Variants in USP47 observed in about 807,000 individuals in gnomAD.
USP47 encodes ubiquitin carboxyl-terminal hydrolase 47.
USP47 carries 35 observed loss-of-function variants against 165.1 expected under a neutral mutation model. That is an observed-to-expected ratio of 0.21 (90% CI 0.16 to 0.28). The LOEUF is 0.28. Ranked by LOEUF, USP47 falls within the 10% of genes least tolerant of loss-of-function variation. USP47 has a pLI of 1.00. For missense variants in USP47, 1,277 were observed against 1,607.4 expected, an observed-to-expected ratio of 0.79 and a Z score of 3.52; for synonymous variants, 531 against 544.5, an observed-to-expected ratio of 0.98 and a Z score of 0.35.
At chr11:11,861,030 T>C (rs1468306786) in intron 1 of USP47, among the ~76,000 whole-genome samples, 1 of 152,278 alleles carries the variant, frequency 6.6e-6, no homozygotes, top group East Asian at 1.9e-4. Context: ...CAATTTCTTT[T>C]TCTTCATCGA....
At position 11,881,703 on chromosome 11, in the gene USP47, G is replaced by A. The variant is rs1850843186; in HGVS notation, c.243+1323G>A. 2.0e-5 allele frequency among the ~76,000 whole-genome samples: 3 copies of A among 151,890 alleles called. No homozygotes were observed. The South Asian group carries it at 6.2e-4, about 31-fold the overall frequency. ...TTAGGTCATCATTTGACCTAATCTT[G>A]TATTAATGTTTACTACCAAAATAAA... On this transcript the variant is annotated intron_variant, in intron 2 of 27. Coordinates refer to ENST00000527733, the MANE Select transcript of USP47 (RefSeq NM_001282659.2).
At chr11:11,847,078 C>T (rs1359835405) in intron 1 of USP47, among the ~76,000 whole-genome samples, 1 of 151,858 alleles carries the variant, frequency 6.6e-6, no homozygotes, top group Non-Finnish European at 1.5e-5. Context: ...TAATTTTGTC[C>T]AGGAAAAAAT....
Position 11,956,246 on chromosome 11 carries a change from G to T in USP47, c.*71G>T. 3.8e-6 allele frequency: 6 copies of T among 1,564,154 alleles called. No individual in the cohort carries two copies. Among genetic ancestry groups the T allele is most frequent in the Non-Finnish European group, 5.2e-6 (6 of 1,144,984 alleles). The stretch of plus-strand genomic sequence containing the variant: ...AGATGGTTCACTACCACTGGGTAGT[G>T]CCATTTTGGCCGGACATGGTTGGGG... On this transcript the variant is annotated 3_prime_UTR_variant, in exon 28 of 28. Coordinates refer to ENST00000527733, the MANE Select transcript of USP47 (RefSeq NM_001282659.2).
intron 17 of USP47, 60 bp from the exon 18 acceptor site, chr11:11,938,197 C>T (rs576122163): frequency 6.2e-5 from 88 of 1,428,658 alleles, no homozygotes; most frequent in Non-Finnish European, 7.5e-5. Context: ...ATGCATTACT[C>T]ATGTGAAATA....
chr11:11,906,522 A>G (rs1340529007), intron 8 of USP47, among the ~76,000 whole-genome samples: 1 of 152,100 alleles, frequency 6.6e-6, no homozygotes, highest in African/African-American at 2.4e-5. Context: ...TTATATGGCT[A>G]TTAGGAAATA....
chr11:11,870,775 C>T (rs570515485), intron 1 of USP47, among the ~76,000 whole-genome samples: 13 of 152,280 alleles, frequency 8.5e-5, no homozygotes, highest in African/African-American at 3.1e-4. Flanking sequence ...TCTTTTTCCT[C>T]TCTTTGTTTT....
chr11:11,843,192 A>T (rs1486361385), intron 1 of USP47, among the ~76,000 whole-genome samples: 2 of 152,076 alleles, frequency 1.3e-5, no homozygotes, highest in Non-Finnish European at 2.9e-5. Flanking sequence ...AGATTCTTAA[A>T]TTTTTTTGTG....
intron 11 of USP47, among the ~76,000 whole-genome samples, chr11:11,929,161 A>G (rs1564884313): frequency 6.6e-6 from 1 of 152,102 alleles, no homozygotes; most frequent in African/African-American, 2.4e-5. Flanking sequence ...TAATTTTTAC[A>G]TATGTAAGTT....
At chr11:11,928,549 A>G (rs1854423095) in intron 11 of USP47, among the ~76,000 whole-genome samples, 1 of 152,078 alleles carries the variant, frequency 6.6e-6, no homozygotes, top group Admixed American at 6.6e-5. Context: ...TAGAAAAGTA[A>G]ATAAAATAAA....
intron 17 of USP47, among the ~76,000 whole-genome samples, chr11:11,936,775 G>C (rs929228836): frequency 1.3e-5 from 2 of 151,834 alleles, no homozygotes; most frequent in Admixed American, 1.3e-4. Context: ...TTCTTCTCCA[G>C]TGGGCGGTAC....
At chr11:11,875,653 G>A (rs1850363078) in intron 1 of USP47, among the ~76,000 whole-genome samples, 1 of 151,982 alleles carries the variant, frequency 6.6e-6, no homozygotes, top group Admixed American at 6.6e-5. Context: ...GCCCAGGCTG[G>A]AGTGCAGTGG....
intron 8 of USP47, among the ~76,000 whole-genome samples, chr11:11,913,034 T>C (rs1564876569): frequency 6.6e-6 from 1 of 152,052 alleles, no homozygotes; most frequent in Non-Finnish European, 1.5e-5. Context: ...AAAATATCTA[T>C]AGCTAACATC....
At chr11:11,919,713 T>C (rs898631691) in intron 8 of USP47, among the ~76,000 whole-genome samples, 2 of 151,950 alleles carry the variant, frequency 1.3e-5, no homozygotes, top group African/African-American at 4.8e-5. Context: ...ACATGATTTT[T>C]AAGTGTATGA....
At chr11:11,874,546 C>A (rs530729206) in intron 1 of USP47, among the ~76,000 whole-genome samples, 3 of 151,206 alleles carry the variant, frequency 2.0e-5, no homozygotes, top group Admixed American at 1.3e-4. Context: ...AATGAAGAGT[C>A]TAAATGAAGC....
chr11:11,870,750 T>A (rs1849985097), intron 1 of USP47, among the ~76,000 whole-genome samples: 1 of 152,234 alleles, frequency 6.6e-6, no homozygotes, highest in African/African-American at 2.4e-5. Flanking sequence ...GCTTTTCTGT[T>A]CTTTCTCTTT....
chr11:11,939,805 C>G (rs1337762029), intron 18 of USP47, among the ~76,000 whole-genome samples: 1 of 151,866 alleles, frequency 6.6e-6, no homozygotes, highest in African/African-American at 2.4e-5. Context: ...TTTTAACCAG[C>G]CTGCTTAAGA....
chr11:11,905,280 A>G (rs1852487501), intron 7 of USP47, 119 bp from the exon 8 acceptor site: 1 of 460,194 alleles, frequency 2.2e-6, no homozygotes, highest in Admixed American at 4.7e-5. Flanking sequence ...AATGTTTTCA[A>G]AGATTTTAGC....
At chr11:11,946,002 C>A (rs1855811303) in intron 20 of USP47, among the ~76,000 whole-genome samples, 1 of 151,062 alleles carries the variant, frequency 6.6e-6, no homozygotes, top group Admixed American at 6.6e-5. Context: ...GAGAAAGGAC[C>A]AAAAAGGAAA....
chr11:11,950,965 A>C (rs756170827), intron 24 of USP47: 1 of 152,652 alleles, frequency 6.6e-6, no homozygotes, highest in Non-Finnish European at 1.5e-5. Flanking sequence ...AATTTATCAG[A>C]GACTCAAGAA....
Sources: gnomAD v4.1 joint callset for allele counts (sites outside exome capture counted in the v4.1 genomes callset) on GRCh38, gnomAD v4.1.1 for gene constraint, MANE v1.5 for transcripts, NCBI Gene and HGNC (gene_info 2026-07-23, HGNC 2026-07-21) for gene names.